The following LOXHD1 variants were observed in gnomAD, a reference collection of about 807,000 sequenced individuals.
LOXHD1 encodes the protein lipoxygenase homology domain-containing protein 1.
A neutral mutation model predicts 248.2 loss-of-function variants in LOXHD1; 205 were observed. That is an observed-to-expected ratio of 0.83 (90% CI 0.74 to 0.93). The LOEUF (loss-of-function observed/expected upper bound fraction) is 0.93. Ranked by LOEUF, LOXHD1 falls within the 40% of genes least tolerant of loss-of-function variation. The pLI, the probability that LOXHD1 is intolerant of heterozygous loss-of-function variation, is 0.00. For missense variants in LOXHD1, 2,930 were observed against 2,971.6 expected (o/e 0.99, Z 0.33); for synonymous variants, 1,113 against 1,162.8 (o/e 0.96, Z 0.87).
At chr18:46,575,958 C>T (rs1405064359) in intron 14 of LOXHD1, among the ~76,000 whole-genome samples, 1 of 152,176 alleles carries the variant, frequency 6.6e-6, no homozygotes, top group Admixed American at 6.5e-5. Context: ...GACTCCAGAA[C>T]ACTCCAGTCC....
intron 33 of LOXHD1, among the ~76,000 whole-genome samples, chr18:46,519,525 T>G (rs900166730): frequency 2.0e-5 from 3 of 152,158 alleles, no homozygotes; most frequent in Non-Finnish European, 4.4e-5. Context: ...AGGGAATGGA[T>G]GAAGAGCCTC....
intron 40 of LOXHD1, among the ~76,000 whole-genome samples, chr18:46,481,448 G>A (rs1456961090): frequency 6.6e-6 from 1 of 152,166 alleles, no homozygotes; most frequent in East Asian, 1.9e-4. Flanking sequence ...GCTAGGGCAT[G>A]ACTTCAGAGA....
At chr18:46,518,808 T>A in intron 33 of LOXHD1, 11 of 914,760 alleles carry the variant, frequency 1.2e-5, no homozygotes, top group Non-Finnish European at 1.3e-5. Context: ...GGGTGTCAGT[T>A]CCCCTTCATG....
chr18:46,645,477 A>G (rs771361263), intron 2 of LOXHD1, among the ~76,000 whole-genome samples: 8 of 152,180 alleles, frequency 5.3e-5, no homozygotes, highest in Non-Finnish European at 1.2e-4. Flanking sequence ...CCAAATAACC[A>G]TGTTCCAGAC....
At chr18:46,655,575 C>T (rs2039169870) in intron 1 of LOXHD1, among the ~76,000 whole-genome samples, 1 of 152,204 alleles carries the variant, frequency 6.6e-6, no homozygotes, top group African/African-American at 2.4e-5. Context: ...GGCACATGTA[C>T]TGTTAGAAGG....
chr18:46,508,528 G>A (rs2034733236), intron 35 of LOXHD1, among the ~76,000 whole-genome samples: 1 of 152,170 alleles, frequency 6.6e-6, no homozygotes. Context: ...GTGTGGCCCT[G>A]CCGACACCTT....
chr18:46,575,456 G>A (rs2037835568), intron 14 of LOXHD1, among the ~76,000 whole-genome samples: 1 of 152,154 alleles, frequency 6.6e-6, no homozygotes, highest in Non-Finnish European at 1.5e-5. Context: ...TAGGGTCATT[G>A]CAAATGTAAC....
At chr18:46,558,160 A>G in intron 20 of LOXHD1, 1 of 639,204 alleles carries the variant, frequency 1.6e-6, no homozygotes, top group Non-Finnish European at 1.9e-6. Context: ...ATGAAAGTTC[A>G]TATGCCTTCA....
intron 1 of LOXHD1, among the ~76,000 whole-genome samples, chr18:46,651,331 C>A (rs1216647371): frequency 6.6e-6 from 1 of 152,144 alleles, no homozygotes; most frequent in Non-Finnish European, 1.5e-5. Context: ...TAACCAAAGC[C>A]TTAATTCTTA....
chr18:46,577,615 C>T, intron 14 of LOXHD1, 92 bp downstream of exon 14: 1 of 1,423,038 alleles, frequency 7.0e-7, no homozygotes, highest in African/African-American at 1.4e-5. Context: ...CACTGTTTTG[C>T]TTGCTGGTCA....
intron 1 of LOXHD1, among the ~76,000 whole-genome samples, chr18:46,655,585 G>A (rs1007351159): frequency 1.6e-4 from 25 of 152,178 alleles, no homozygotes; most frequent in African/African-American, 5.8e-4. Context: ...CTGTTAGAAG[G>A]TGGCGGATGC....
At chr18:46,611,990 G>A (rs2038515227) in intron 5 of LOXHD1, among the ~76,000 whole-genome samples, 1 of 152,062 alleles carries the variant, frequency 6.6e-6, no homozygotes, top group African/African-American at 2.4e-5. Context: ...TGTTATCATT[G>A]TCACATACCC....
chr18:46,610,654 G>C, intron 6 of LOXHD1, 122 bp downstream of exon 6: 1 of 1,163,392 alleles, frequency 8.6e-7, no homozygotes, highest in Non-Finnish European at 1.2e-6. Context: ...ATCTGGCTTA[G>C]GTAGAAGAGT....
chr18:46,610,474 A>C (rs1186438769), intron 6 of LOXHD1, among the ~76,000 whole-genome samples: 1 of 152,120 alleles, frequency 6.6e-6, no homozygotes, highest in Non-Finnish European at 1.5e-5. Context: ...GGGTGCAGCA[A>C]ACCAACATGG....
chr18:46,606,253 T>A (rs1207961080), intron 6 of LOXHD1, among the ~76,000 whole-genome samples: 1 of 152,034 alleles, frequency 6.6e-6, no homozygotes, highest in Non-Finnish European at 1.5e-5. Context: ...GAATGTACCG[T>A]AAGAAATAAT....
rs2038369629 is a variant in LOXHD1 at position 46,603,525 on chromosome 18, CA to C, written c.883+580del. 3.9e-5 allele frequency among the ~76,000 whole-genome samples: 6 copies of C among 152,210 alleles called. No individual in the cohort carries two copies. The South Asian group carries it at 1.2e-3, about 32-fold the overall frequency. On this transcript the variant is annotated intron_variant, in intron 7 of 40. Coordinates refer to ENST00000642948, the MANE Select transcript of LOXHD1 (RefSeq NM_001384474.1). ...ATCAACGTTGATTTTCTAGAACATG[CA>C]TGACCATGACTGCCATGCTGGGAGT...
At chr18:46,504,518 GA>G (rs1209185702) in intron 37 of LOXHD1, among the ~76,000 whole-genome samples, 1 of 152,220 alleles carries the variant, frequency 6.6e-6, no homozygotes, top group Non-Finnish European at 1.5e-5. Flanking sequence ...GGGATACACT[GA>G]AATTTGAAAA....
intron 22 of LOXHD1, among the ~76,000 whole-genome samples, chr18:46,546,197 T>A (rs143395797): frequency 9.1e-6 from 1 of 109,702 alleles, no homozygotes; most frequent in East Asian, 2.0e-4. Flanking sequence ...AAGTTACTGT[T>A]CATTCTTTCC....
At chr18:46,654,663 T>C (rs954455952) in intron 1 of LOXHD1, among the ~76,000 whole-genome samples, 2 of 152,166 alleles carry the variant, frequency 1.3e-5, no homozygotes, top group African/African-American at 4.8e-5. Context: ...ATCACACTCA[T>C]CAAGACTCTC....
Sources: gnomAD v4.1 joint callset for allele counts (sites outside exome capture counted in the v4.1 genomes callset) on GRCh38, gnomAD v4.1.1 for gene constraint, MANE v1.5 for transcripts, NCBI Gene and HGNC (gene_info 2026-07-23, HGNC 2026-07-21) for gene names.